Variants in STXBP5L observed in about 807,000 individuals in gnomAD.
STXBP5L encodes the protein syntaxin-binding protein 5-like.
A neutral mutation model predicts 144.5 loss-of-function variants in STXBP5L; 65 were observed. That is an observed-to-expected ratio of 0.45 (90% CI 0.37 to 0.55). STXBP5L has a LOEUF of 0.55. Among genes scored for constraint, STXBP5L ranks in the 20% least tolerant of loss-of-function variants. The pLI is 0.00. For synonymous variants in STXBP5L, 505 were observed against 469.6 expected (o/e 1.08, Z -0.97); for missense variants, 1,298 against 1,405.5 (o/e 0.92, Z 1.22).
At chr3:121,415,778 C>A (rs2108754445) in intron 24 of STXBP5L, 79 bp from the exon 25 acceptor site, 1 of 926,618 alleles carries the variant, frequency 1.1e-6, no homozygotes, top group Non-Finnish European at 1.7e-6. Flanking sequence ...ATGTGTCCTA[C>A]TATATCACAG....
intron 2 of STXBP5L, among the ~76,000 whole-genome samples, chr3:120,951,932 T>G (rs914199976): frequency 2.0e-5 from 3 of 151,712 alleles, no homozygotes; most frequent in Non-Finnish European, 2.9e-5. Context: ...TAGACTGGAT[T>G]AAGAAAATGT....
intron 2 of STXBP5L, among the ~76,000 whole-genome samples, chr3:120,943,511 A>C (rs1000170321): frequency 6.6e-6 from 1 of 151,738 alleles, no homozygotes; most frequent in Non-Finnish European, 1.5e-5. Flanking sequence ...ATATATATTT[A>C]GTATCTATAC....
chr3:121,352,045 C>A (rs934063005), intron 20 of STXBP5L, among the ~76,000 whole-genome samples: 1 of 152,034 alleles, frequency 6.6e-6, no homozygotes, highest in Non-Finnish European at 1.5e-5. Flanking sequence ...TGGTCTATAT[C>A]TCTGTTTTGG....
intron 9 of STXBP5L, among the ~76,000 whole-genome samples, chr3:121,200,365 T>G (rs1336117626): frequency 6.6e-6 from 1 of 152,172 alleles, no homozygotes; most frequent in African/African-American, 2.4e-5. Flanking sequence ...TATTTGATTC[T>G]TCTCTCTTTT....
At chr3:120,931,920 T>G (rs1423783781) in intron 2 of STXBP5L, among the ~76,000 whole-genome samples, 2 of 152,244 alleles carry the variant, frequency 1.3e-5, no homozygotes, top group Non-Finnish European at 2.9e-5. Context: ...GGATAGGTTC[T>G]GAGAAATGCA....
chr3:121,004,252 A>T (rs1179564034), intron 3 of STXBP5L, among the ~76,000 whole-genome samples: 1 of 151,498 alleles, frequency 6.6e-6, no homozygotes, highest in Non-Finnish European at 1.5e-5. Flanking sequence ...GCTCTCCTTG[A>T]AGAGGTCCTT....
At chr3:121,384,286 T>A (rs530291966) in intron 22 of STXBP5L, among the ~76,000 whole-genome samples, 1 of 152,136 alleles carries the variant, frequency 6.6e-6, no homozygotes, top group Non-Finnish European at 1.5e-5. Flanking sequence ...GCAGGGGGAT[T>A]TGGGGAAGAG....
At chr3:121,028,072 A>G (rs1946079447) in intron 3 of STXBP5L, among the ~76,000 whole-genome samples, 1 of 152,128 alleles carries the variant, frequency 6.6e-6, no homozygotes, top group Non-Finnish European at 1.5e-5. Context: ...GAAATCACAT[A>G]CGCAATATAC....
At chr3:121,045,863 C>G (rs915893482) in intron 5 of STXBP5L, among the ~76,000 whole-genome samples, 1 of 151,990 alleles carries the variant, frequency 6.6e-6, no homozygotes. Context: ...TTATTTCTTT[C>G]TCTTGCATGA....
chr3:120,992,908 C>T (rs994303693), intron 3 of STXBP5L, among the ~76,000 whole-genome samples: 40 of 152,220 alleles, frequency 2.6e-4, no homozygotes, highest in Non-Finnish European at 4.0e-4. Context: ...TACTAATTTA[C>T]ACTGCCGCCA....
intron 3 of STXBP5L, among the ~76,000 whole-genome samples, chr3:121,005,908 T>C (rs1045523885): frequency 6.6e-6 from 1 of 152,200 alleles, no homozygotes; most frequent in Non-Finnish European, 1.5e-5. Context: ...TGCACTGTGG[T>C]CTGAGAGACA....
At chr3:120,981,512 T>C (rs1385169965) in intron 3 of STXBP5L, among the ~76,000 whole-genome samples, 1 of 152,162 alleles carries the variant, frequency 6.6e-6, no homozygotes, top group Non-Finnish European at 1.5e-5. Context: ...GTTCCTTTAA[T>C]GAATTTTTAG....
intron 7 of STXBP5L, among the ~76,000 whole-genome samples, chr3:121,151,570 T>C (rs2045933267): frequency 6.6e-6 from 1 of 152,132 alleles, no homozygotes; most frequent in Admixed American, 6.6e-5. Context: ...TTACCAATGG[T>C]TTTTTGAAGT....
At chr3:120,928,231 T>G (rs570882897) in intron 2 of STXBP5L, among the ~76,000 whole-genome samples, 1 of 147,878 alleles carries the variant, frequency 6.8e-6, no homozygotes, top group Admixed American at 6.9e-5. Flanking sequence ...TTTCCCATCC[T>G]TATCCTTTTC....
In STXBP5L at chr3:121,054,628, T is replaced by C. The variant is rs191102746; in HGVS notation, c.470+9093T>C. Among the ~76,000 whole-genome samples, 78 of 147,984 alleles carry C rather than the reference T, an allele frequency of 5.3e-4. 3 individuals are homozygous for C. In the East Asian group the frequency reaches 0.012, roughly 23 times the overall value. ...GGGGGAGGGATAGCATTAGGAGATA[T>C]ACCTAATGGTAAATGACGAGTTAAT... On this transcript the variant is annotated intron_variant, in intron 5 of 26. Coordinates refer to ENST00000471454, the MANE Select transcript of STXBP5L (RefSeq NM_001308330.2).
At chr3:121,157,355 T>C in intron 8 of STXBP5L, 149 bp from the exon 9 acceptor site, 2 of 775,726 alleles carry the variant, frequency 2.6e-6, no homozygotes, top group Admixed American at 4.3e-5. Context: ...TACCAGAAAT[T>C]ATAGTCTGAT....
intron 5 of STXBP5L, among the ~76,000 whole-genome samples, chr3:121,104,336 A>G (rs2043582700): frequency 6.6e-6 from 1 of 152,234 alleles, no homozygotes; most frequent in Non-Finnish European, 1.5e-5. Flanking sequence ...AATAATCTAC[A>G]GATTCAATGC....
chr3:120,909,381 A>T (rs1027307456), intron 1 of STXBP5L, among the ~76,000 whole-genome samples, 190 bp from the exon 2 acceptor site: 5 of 152,168 alleles, frequency 3.3e-5, no homozygotes, highest in Non-Finnish European at 5.9e-5. Flanking sequence ...ATCTTTTTTT[A>T]AAAAGGATAT....
intron 3 of STXBP5L, among the ~76,000 whole-genome samples, chr3:120,990,294 G>A (rs377618165): frequency 3.9e-5 from 6 of 152,060 alleles, no homozygotes; most frequent in Admixed American, 1.3e-4. Context: ...ACCACTGCTC[G>A]ATGAAATAAA....
Sources: gnomAD v4.1 joint callset for allele counts (sites outside exome capture counted in the v4.1 genomes callset) on GRCh38, gnomAD v4.1.1 for gene constraint, MANE v1.5 for transcripts, NCBI Gene and HGNC (gene_info 2026-07-23, HGNC 2026-07-21) for gene names.